Variants in MEGF11 observed in about 807,000 individuals in gnomAD.
The protein encoded by MEGF11 is multiple epidermal growth factor-like domains protein 11.
In MEGF11, 126 loss-of-function variants were observed where a neutral mutation model predicts 146.6. That is an observed-to-expected ratio of 0.86 (90% CI 0.74 to 1.00). The LOEUF (loss-of-function observed/expected upper bound fraction) is 1.00. MEGF11 is among the 50% of genes least tolerant of loss of function. MEGF11 has a pLI of 0.00. For synonymous variants in MEGF11, 532 were observed against 583.4 expected, an observed-to-expected ratio of 0.91 and a Z score of 1.27; for missense variants, 1,509 against 1,521.2, an observed-to-expected ratio of 0.99 and a Z score of 0.13.
intron 4 of MEGF11, among the ~76,000 whole-genome samples, chr15:66,113,293 G>C (rs1017815302): frequency 6.6e-6 from 1 of 152,142 alleles, no homozygotes; most frequent in African/African-American, 2.4e-5. Flanking sequence ...AGCTGCATAC[G>C]TGCCTGGAGT....
chr15:66,252,412 T>A (rs1271782764), intron 1 of MEGF11, among the ~76,000 whole-genome samples: 1 of 152,090 alleles, frequency 6.6e-6, no homozygotes, highest in Non-Finnish European at 1.5e-5. Context: ...CTTGGAGGGA[T>A]GGAGAGTGGG....
intron 7 of MEGF11, among the ~76,000 whole-genome samples, chr15:65,976,074 G>A (rs572473595): frequency 0.013 from 1,659 of 131,704 alleles, 28 homozygotes; most frequent in African/African-American, 0.045. Flanking sequence ...ATGGAGTCTC[G>A]CTCTGTTGCC....
At chr15:66,193,060 T>C (rs1395788547) in intron 1 of MEGF11, among the ~76,000 whole-genome samples, 1 of 152,184 alleles carries the variant, frequency 6.6e-6, no homozygotes, top group African/African-American at 2.4e-5. Flanking sequence ...AATCCTTAAA[T>C]CCATTTCTGT....
chr15:66,251,415 T>C (rs1313943523), intron 1 of MEGF11, among the ~76,000 whole-genome samples: 1 of 152,200 alleles, frequency 6.6e-6, no homozygotes, highest in African/African-American at 2.4e-5. Context: ...GGCTCCTCTT[T>C]CCCTATGGGT....
chr15:66,171,676 C>T (rs772307940), intron 1 of MEGF11, among the ~76,000 whole-genome samples: 1 of 151,832 alleles, frequency 6.6e-6, no homozygotes, highest in Admixed American at 6.6e-5. Flanking sequence ...CCCCCAAAGC[C>T]GATCTGCAAG....
Position 66,210,860 on chromosome 15 carries a change from G to A in MEGF11, c.-9+42745C>T, listed in dbSNP as rs1288860737. ...ATTCCCAGCAATGAATATCGCCAGG[G>A]CCACTGGTTCCAGGAAGAGCTGGAC... On this transcript the variant is annotated intron_variant, in intron 1 of 25. Transcript: ENST00000395614. Among the ~76,000 whole-genome samples the A allele has an allele frequency of 2.6e-5, 4 of 152,306 alleles. No homozygotes were observed. In the East Asian group the frequency reaches 7.7e-4, roughly 29 times the overall value.
At chr15:66,061,613 G>A (rs1459581300) in intron 5 of MEGF11, among the ~76,000 whole-genome samples, 1 of 150,008 alleles carries the variant, frequency 6.7e-6, no homozygotes, top group African/African-American at 2.5e-5. Context: ...GCCTAGGGTA[G>A]GGGGTGCTAG....
At chr15:65,931,044 C>G in intron 10 of MEGF11, 101 bp from the exon 11 acceptor site, 1 of 1,329,392 alleles carries the variant, frequency 7.5e-7, no homozygotes, top group Non-Finnish European at 9.9e-7. Context: ...ATGTCCATGT[C>G]CTAATCCCTG....
chr15:66,090,541 C>T (rs373299913), intron 5 of MEGF11, among the ~76,000 whole-genome samples: 6 of 152,224 alleles, frequency 3.9e-5, no homozygotes, highest in South Asian at 2.1e-4. Context: ...CTGTTTCACC[C>T]AGGGTGCTGC....
At chr15:65,918,935 T>C (rs1443785785) in intron 15 of MEGF11, among the ~76,000 whole-genome samples, 2 of 152,204 alleles carry the variant, frequency 1.3e-5, no homozygotes, top group Non-Finnish European at 2.9e-5. Context: ...ATGGCACTCC[T>C]ATGTCCTGCT....
chr15:66,221,561 A>G (rs969331374), intron 1 of MEGF11, among the ~76,000 whole-genome samples: 10 of 141,932 alleles, frequency 7.0e-5, no homozygotes, highest in African/African-American at 2.4e-4. Context: ...GCCCTGGCAC[A>G]GCTGAGCACT....
intron 7 of MEGF11, among the ~76,000 whole-genome samples, chr15:65,978,316 CATTATACAGTGACTCTGCATGCACAAG>C (rs1168959567): frequency 6.6e-6 from 1 of 152,198 alleles, no homozygotes; most frequent in Non-Finnish European, 1.5e-5. Flanking sequence ...AATGCAACTT[CATTATACAGTGACTCTGCATGCACAAG>C]GGGTATTAAT....
chr15:66,122,996 GAT>G (rs2088123017), intron 3 of MEGF11, among the ~76,000 whole-genome samples: 2 of 152,110 alleles, frequency 1.3e-5, no homozygotes, highest in Non-Finnish European at 2.9e-5. Context: ...TGTTAGCCAG[GAT>G]GATCTCGTTC....
At chr15:65,934,833 C>A (rs957020836) in intron 10 of MEGF11, among the ~76,000 whole-genome samples, 5 of 152,168 alleles carry the variant, frequency 3.3e-5, no homozygotes, top group Non-Finnish European at 5.9e-5. Flanking sequence ...AGATTGTGCA[C>A]CTGGAGAGGG....
chr15:66,181,373 AT>A (rs1163705306), intron 1 of MEGF11, among the ~76,000 whole-genome samples: 1 of 152,104 alleles, frequency 6.6e-6, no homozygotes, highest in African/African-American at 2.4e-5. Flanking sequence ...TTTTTTCAGA[AT>A]TTGGAGGTTC....
intron 4 of MEGF11, among the ~76,000 whole-genome samples, chr15:66,107,845 A>G (rs2087171918): frequency 6.6e-6 from 1 of 152,174 alleles, no homozygotes; most frequent in South Asian, 2.1e-4. Context: ...ACTGGGCCCT[A>G]CAGATACAGA....
At chr15:66,116,753 A>G (rs1209993040) in intron 4 of MEGF11, among the ~76,000 whole-genome samples, 1 of 152,154 alleles carries the variant, frequency 6.6e-6, no homozygotes, top group Non-Finnish European at 1.5e-5. Flanking sequence ...CAGGACTCAA[A>G]CAATGTGGAG....
intron 1 of MEGF11, among the ~76,000 whole-genome samples, chr15:66,210,712 A>AG (rs1021413011): frequency 2.0e-5 from 3 of 152,202 alleles, no homozygotes; most frequent in African/African-American, 4.8e-5. Context: ...GCCCAGGAAG[A>AG]GGGGCTACCC....
chr15:66,247,999 A>G (rs1201216224), intron 1 of MEGF11, among the ~76,000 whole-genome samples: 1 of 151,840 alleles, frequency 6.6e-6, no homozygotes, highest in Non-Finnish European at 1.5e-5. Flanking sequence ...AAAAAAAAAA[A>G]TTGTTCTAGG....
Sources: gnomAD v4.1 joint callset for allele counts (sites outside exome capture counted in the v4.1 genomes callset) on GRCh38, gnomAD v4.1.1 for gene constraint, MANE v1.5 for transcripts, NCBI Gene and HGNC (gene_info 2026-07-23, HGNC 2026-07-21) for gene names.